CYB5R4: variants seen among roughly 807,000 people sequenced by gnomAD.
The protein encoded by CYB5R4 is N-terminal cytochrome b5 and cytochrome b5 oxidoreductase domain-containing protein.
Under a neutral mutation model 70.2 loss-of-function variants are expected in CYB5R4, and 55 were observed. The observed-to-expected ratio is 0.78, with a 90% CI of 0.63 to 0.98. CYB5R4 has a LOEUF of 0.98. Among genes scored for constraint, CYB5R4 ranks in the 50% least tolerant of loss-of-function variants. The pLI, the probability that CYB5R4 is intolerant of heterozygous loss-of-function variation, is 0.00. For missense variants in CYB5R4, 562 were observed against 612.6 expected (o/e 0.92, Z 0.87); for synonymous variants, 197 against 199.5 (o/e 0.99, Z 0.11).
chr6:83,920,940 A>G (rs2129139913), intron 7 of CYB5R4, 142 bp from the exon 8 acceptor site: 1 of 558,908 alleles, frequency 1.8e-6, no homozygotes, highest in Non-Finnish European at 2.8e-6. Flanking sequence ...GTAAGAGAAA[A>G]ACAGAAGTCA....
chr6:83,926,856 G>C (rs567481892), intron 10 of CYB5R4, among the ~76,000 whole-genome samples: 1 of 152,298 alleles, frequency 6.6e-6, no homozygotes, highest in South Asian at 2.1e-4. Context: ...TATTGAGAAA[G>C]TAATTTTAAT....
intron 3 of CYB5R4, among the ~76,000 whole-genome samples, chr6:83,907,923 G>A (rs2099464067): frequency 6.6e-6 from 1 of 152,114 alleles, no homozygotes; most frequent in Non-Finnish European, 1.5e-5. Flanking sequence ...ATTGTGAATA[G>A]TGCTGTAGTG....
At chr6:83,866,615 G>GTT (rs879827246) in intron 2 of CYB5R4, among the ~76,000 whole-genome samples, 8 of 142,438 alleles carry the variant, frequency 5.6e-5, no homozygotes, top group African/African-American at 2.0e-4. Flanking sequence ...ATCATGGTTT[G>GTT]TTTTTTTTTT....
rs544984231 is a variant in CYB5R4, at chr6:83,935,228, C to T, written c.955+493C>T. Among the ~76,000 whole-genome samples, 7 of 152,198 alleles carry T rather than the reference C, an allele frequency of 4.6e-5. No individual in the cohort carries two copies. In the South Asian group the frequency reaches 1.2e-3, roughly 27 times the overall value. ...TATGAATTCTTTTTTCTTTCATTTT[C>T]ATCCTAAATTTACCTCACTTGTTTT... On this transcript the variant is annotated intron_variant, in intron 11 of 15. Transcript: ENST00000369681.
chr6:83,897,439 T>A (rs2099462092), intron 3 of CYB5R4, among the ~76,000 whole-genome samples: 3 of 152,208 alleles, frequency 2.0e-5, no homozygotes, highest in Admixed American at 2.0e-4. Flanking sequence ...GGTCAAATGG[T>A]AATTCTAGTT....
intron 2 of CYB5R4, among the ~76,000 whole-genome samples, chr6:83,865,545 C>CCCT (rs1455114822): frequency 6.6e-6 from 1 of 152,120 alleles, no homozygotes; most frequent in African/African-American, 2.4e-5. Context: ...ACTTCATCTT[C>CCCT]ACGTGGCATA....
At chr6:83,929,664 A>G (rs955768220) in intron 10 of CYB5R4, among the ~76,000 whole-genome samples, 22 of 152,116 alleles carry the variant, frequency 1.4e-4, no homozygotes, top group Non-Finnish European at 3.2e-4. Flanking sequence ...CTATAGAGAA[A>G]GAGATGGCTG....
chr6:83,940,447 A>G lies in CYB5R4; in HGVS notation c.1260-68A>G, dbSNP rs1009424351. 6 of 1,408,718 alleles carry G rather than the reference A, an allele frequency of 4.3e-6. No individual in the cohort carries two copies. The African/African-American group carries it at 9.1e-5, about 21-fold the overall frequency. The allele number at this position is 1,408,718 out of a possible 1,614,324, so 87.3% of individuals were successfully genotyped here. A position where few individuals can be genotyped will look rare whatever the true frequency, so the allele number is the denominator to read the frequency against. ...AAACATTCACACTGGTTCACTTTAG[A>G]CTTTCCATTTGTGCATATTTTAAAT... On this transcript the variant is annotated intron_variant, in intron 13 of 15. Transcript: ENST00000369681.
At chr6:83,939,296 A>G (rs960004254) in intron 12 of CYB5R4, among the ~76,000 whole-genome samples, 10 of 152,166 alleles carry the variant, frequency 6.6e-5, no homozygotes, top group Non-Finnish European at 1.3e-4. Flanking sequence ...TTACATTTCA[A>G]GTTTCTGAAT....
chr6:83,868,110 A>G (rs1056021910), intron 2 of CYB5R4, among the ~76,000 whole-genome samples: 1 of 152,036 alleles, frequency 6.6e-6, no homozygotes, highest in African/African-American at 2.4e-5. Context: ...GGTTAGAGAT[A>G]GTGTTTGGAC....
At chr6:83,931,277 C>T (rs138237739) in intron 10 of CYB5R4, among the ~76,000 whole-genome samples, 370 of 152,296 alleles carry the variant, frequency 2.4e-3, no homozygotes, top group African/African-American at 8.7e-3. Context: ...TTCCAGCTGC[C>T]CTGAGATGTT....
chr6:83,942,093 A>G (rs2099469857), intron 14 of CYB5R4, among the ~76,000 whole-genome samples: 1 of 152,114 alleles, frequency 6.6e-6, no homozygotes. Flanking sequence ...GAGGACCCCT[A>G]TGTACATGTT....
At chr6:83,897,282 T>C (rs1168388038) in intron 3 of CYB5R4, among the ~76,000 whole-genome samples, 1 of 152,202 alleles carries the variant, frequency 6.6e-6, no homozygotes, top group African/African-American at 2.4e-5. Context: ...GGTGTATAGG[T>C]GCCACATTTT....
At chr6:83,900,681 T>C (rs2099462781) in intron 3 of CYB5R4, among the ~76,000 whole-genome samples, 2 of 152,332 alleles carry the variant, frequency 1.3e-5, no homozygotes, top group Admixed American at 1.3e-4. Flanking sequence ...TTTAGGATAG[T>C]TAGCTCTTCT....
chr6:83,882,970 T>A (rs1162496231), intron 2 of CYB5R4, among the ~76,000 whole-genome samples: 9 of 151,926 alleles, frequency 5.9e-5, no homozygotes, highest in Non-Finnish European at 1.2e-4. Flanking sequence ...TGAGACTCCA[T>A]CTCAAAAAAG....
chr6:83,892,204 T>C (rs937671996), intron 2 of CYB5R4, among the ~76,000 whole-genome samples: 2 of 152,180 alleles, frequency 1.3e-5, no homozygotes, highest in Non-Finnish European at 2.9e-5. Context: ...ATTCTGTGAA[T>C]TTACTTCCTT....
At chr6:83,904,079 A>T (rs1239178324) in intron 3 of CYB5R4, among the ~76,000 whole-genome samples, 1 of 151,806 alleles carries the variant, frequency 6.6e-6, no homozygotes, top group East Asian at 1.9e-4. Context: ...TCTTCTCCTA[A>T]TATTGCCTTT....
At chr6:83,879,106 G>A (rs896282195) in intron 2 of CYB5R4, among the ~76,000 whole-genome samples, 1 of 151,988 alleles carries the variant, frequency 6.6e-6, no homozygotes, top group African/African-American at 2.4e-5. Context: ...ATGCACCTGA[G>A]CCCCAGGGGC....
chr6:83,922,592 T>C (rs1484005077), intron 9 of CYB5R4, 122 bp downstream of exon 9: 3 of 689,780 alleles, frequency 4.3e-6, no homozygotes, highest in Admixed American at 2.8e-5. Context: ...TATTTTCACA[T>C]TGCAAAACAA....
Sources: allele counts gnomAD v4.1 joint callset (sites outside exome capture counted in the v4.1 genomes callset), GRCh38; gene constraint gnomAD v4.1.1; transcripts MANE v1.5; gene names NCBI Gene and HGNC (gene_info 2026-07-23, HGNC 2026-07-21).